OSBPL10: variants seen among roughly 807,000 people sequenced by gnomAD.
OSBPL10 encodes the protein oxysterol binding protein like 10, also known as oxysterol-binding protein-related protein 10.
A neutral mutation model predicts 81.7 loss-of-function variants in OSBPL10; 49 were observed. The ratio of observed to expected loss-of-function variants is 0.60; its 90% CI spans 0.48 to 0.76. The LOEUF is 0.76. OSBPL10 is among the 30% of genes least tolerant of loss of function. The pLI, the probability that OSBPL10 is intolerant of heterozygous loss-of-function variation, is 0.00. For synonymous variants in OSBPL10, 419 were observed against 383.6 expected, an observed-to-expected ratio of 1.09 and a Z score of -1.08; for missense variants, 923 against 987.8, an observed-to-expected ratio of 0.93 and a Z score of 0.88.
At chr3:31,838,306 C>A (rs1227334980) in intron 3 of OSBPL10, among the ~76,000 whole-genome samples, 1 of 151,906 alleles carries the variant, frequency 6.6e-6, no homozygotes, top group Admixed American at 6.6e-5. Context: ...GTCAGGAGAT[C>A]GAGACCATCC....
intron 4 of OSBPL10, among the ~76,000 whole-genome samples, chr3:31,757,309 G>A (rs190597629): frequency 2.4e-4 from 36 of 152,184 alleles, no homozygotes; most frequent in African/African-American, 7.5e-4. Flanking sequence ...ATAAAAAGGG[G>A]AAATTTGGGC....
intron 9 of OSBPL10, among the ~76,000 whole-genome samples, chr3:31,669,602 C>T (rs1279497854): frequency 6.6e-6 from 1 of 152,144 alleles, no homozygotes; most frequent in African/African-American, 2.4e-5. Context: ...ATGACTTCAA[C>T]CTCTCATTTA....
chr3:31,812,755 A>AAAGAAAGAAAGAAAGAAAGAAAGAAAGG (rs1699725343), intron 4 of OSBPL10, among the ~76,000 whole-genome samples: 1 of 40,910 alleles, frequency 2.4e-5, no homozygotes, highest in African/African-American at 1.1e-4. Context: ...AGAAAGAAAG[A>AAAGAAAGAAAGAAAGAAAGAAAGAAAGG]AAGAAAGAAA....
chr3:31,821,677 T>C (rs1023245462), intron 4 of OSBPL10, among the ~76,000 whole-genome samples: 1 of 152,210 alleles, frequency 6.6e-6, no homozygotes, highest in Non-Finnish European at 1.5e-5. Context: ...CTTGTCATCA[T>C]CTATCCAAAA....
At chr3:32,008,443 G>C (rs958315896) in intron 2 of OSBPL10, among the ~76,000 whole-genome samples, 1 of 151,754 alleles carries the variant, frequency 6.6e-6, no homozygotes, top group Non-Finnish European at 1.5e-5. Flanking sequence ...GTGAGCCACC[G>C]CGTCCAGCCT....
chr3:31,720,362 G>T (rs549901300), intron 6 of OSBPL10, among the ~76,000 whole-genome samples: 1 of 152,282 alleles, frequency 6.6e-6, no homozygotes, highest in East Asian at 1.9e-4. Flanking sequence ...GAAGGGAGGG[G>T]CAATGGCAGG....
chr3:31,913,050 A>T (rs1696635821), intron 1 of OSBPL10, among the ~76,000 whole-genome samples: 1 of 152,146 alleles, frequency 6.6e-6, no homozygotes, highest in African/African-American at 2.4e-5. Flanking sequence ...CAGCATAAGA[A>T]CTGATTTATA....
chr3:31,932,076 GA>G (rs938677593), intron 1 of OSBPL10, among the ~76,000 whole-genome samples: 7 of 147,444 alleles, frequency 4.7e-5, no homozygotes, highest in African/African-American at 7.5e-5. Context: ...TTTAAATGAA[GA>G]AAAAAAAATT....
chr3:32,028,051 T>C (rs1399795767), intron 2 of OSBPL10, among the ~76,000 whole-genome samples: 2 of 152,234 alleles, frequency 1.3e-5, no homozygotes, highest in Non-Finnish European at 2.9e-5. Flanking sequence ...AGAACTTCTT[T>C]CTTGTTCATG....
intron 1 of OSBPL10, among the ~76,000 whole-genome samples, chr3:31,896,070 C>T (rs148085597): frequency 1.8e-3 from 267 of 152,284 alleles, no homozygotes; most frequent in Middle Eastern, 3.4e-3. Flanking sequence ...TAATTAAAAA[C>T]AATGCCACAT....
Position 31,981,195 on chromosome 3 carries a change from G to C in OSBPL10, c.-16C>G, listed in dbSNP as rs1264195608. On this transcript the variant is annotated 5_prime_UTR_variant, in exon 1 of 12. Transcript: ENST00000396556. The surrounding 1 kb of genome is among the most constrained non-coding windows in gnomAD (Gnocchi z 4.5). ...CCCTCTCCATGGTCCGTGGGCGCCC[G>C]GGACGCGGGTGCCCGCCGCGGTGGC... The C allele has an allele frequency of 7.2e-7, 1 of 1,396,348 alleles. No homozygotes were observed. The highest frequency in any genetic ancestry group is 1.6e-5 in the South Asian group (1 of 62,916). 86.5% of individuals were successfully genotyped at this position (1,396,348 alleles called of 1,614,324 possible). A position where few individuals can be genotyped will look rare whatever the true frequency, so the allele number is the denominator to read the frequency against.
intron 3 of OSBPL10, among the ~76,000 whole-genome samples, chr3:31,860,719 A>G (rs554664805): frequency 7.4e-4 from 112 of 152,306 alleles, no homozygotes; most frequent in Non-Finnish European, 1.2e-3. Flanking sequence ...TCTGTCACCC[A>G]GGCAGGAGTG....
At chr3:31,704,417 C>T (rs1695995295) in intron 6 of OSBPL10, among the ~76,000 whole-genome samples, 1 of 152,214 alleles carries the variant, frequency 6.6e-6, no homozygotes. Flanking sequence ...TCCTCTCATG[C>T]CAGCACCAGC....
intron 6 of OSBPL10, chr3:31,709,370 C>T (rs1176677060): frequency 2.0e-5 from 3 of 152,140 alleles, no homozygotes; most frequent in Admixed American, 6.5e-5. Flanking sequence ...AAAACACACC[C>T]TGGAAGGCAG....
chr3:31,686,110 C>T (rs929957476), intron 7 of OSBPL10, among the ~76,000 whole-genome samples: 3 of 152,160 alleles, frequency 2.0e-5, no homozygotes, highest in African/African-American at 7.2e-5. Flanking sequence ...CACACACACC[C>T]GCTCCCTTTT....
At chr3:31,707,406 C>T (rs1299317457) in intron 6 of OSBPL10, 3 of 152,180 alleles carry the variant, frequency 2.0e-5, no homozygotes, top group Admixed American at 1.3e-4. Context: ...ACAATAAAGC[C>T]AGCTAGAGAA....
chr3:31,869,313 A>G (rs1701261296), intron 3 of OSBPL10, among the ~76,000 whole-genome samples: 2 of 152,202 alleles, frequency 1.3e-5, no homozygotes, highest in South Asian at 4.1e-4. Flanking sequence ...CCACAATATC[A>G]TTTCTAAACC....
intron 1 of OSBPL10, among the ~76,000 whole-genome samples, chr3:31,931,079 T>A (rs1268679955): frequency 5.6e-5 from 8 of 141,792 alleles, no homozygotes; most frequent in African/African-American, 2.1e-4. Flanking sequence ...TCTGCTTACA[T>A]AGGCATTCAA....
intron 3 of OSBPL10, among the ~76,000 whole-genome samples, chr3:31,864,965 C>T (rs567031231): frequency 3.5e-4 from 53 of 151,910 alleles, no homozygotes; most frequent in African/African-American, 1.3e-3. Context: ...ATCAGTAAGG[C>T]CTATGTTCCT....
Sources: allele counts gnomAD v4.1 joint callset (sites outside exome capture counted in the v4.1 genomes callset), GRCh38; gene constraint gnomAD v4.1.1; non-coding constraint Gnocchi (gnomAD v3.1); transcripts MANE v1.5; gene names NCBI Gene and HGNC (gene_info 2026-07-23, HGNC 2026-07-21).